CR1L: variants seen among roughly 807,000 people sequenced by gnomAD.
CR1L encodes the protein complement component receptor 1-like protein.
CR1L carries 59 observed loss-of-function variants against 62.3 expected under a neutral mutation model. The ratio of observed to expected loss-of-function variants is 0.95; its 90% CI spans 0.77 to 1.18. The LOEUF (loss-of-function observed/expected upper bound fraction) is 1.18, where lower values mean the gene tolerates loss of function less well. CR1L is among the 50% of genes most tolerant of loss of function. The probability of loss-of-function intolerance (pLI) is 0.00; values close to 1 mark genes in which losing one functional copy is unlikely to be tolerated. For missense variants in CR1L, 700 were observed against 702.8 expected (o/e 1.00, Z 0.04); for synonymous variants, 279 against 248.7 (o/e 1.12, Z -1.15).
intron 10 of CR1L, 83 bp downstream of exon 10, chr1:207,708,346 C>A: frequency 6.6e-7 from 1 of 1,522,036 alleles, no homozygotes; most frequent in South Asian, 1.2e-5. Context: ...TGAATCTCAT[C>A]CCTCTTGGAA....
chr1:207,659,991 T>G (rs7531923), intron 1 of CR1L, among the ~76,000 whole-genome samples: 62,183 of 152,126 alleles, frequency 0.41, 13,009 homozygotes, highest in African/African-American at 0.49. Context: ...GGCGGTTCTA[T>G]GCTCACAGTG....
chr1:207,659,609 T>C (rs772278562), intron 1 of CR1L, among the ~76,000 whole-genome samples: 1 of 152,210 alleles, frequency 6.6e-6, no homozygotes, highest in Admixed American at 6.5e-5. Flanking sequence ...AGGTGATTTC[T>C]GCATTTCCAA....
chr1:207,664,502 T>A (rs747144738), intron 1 of CR1L, among the ~76,000 whole-genome samples: 4 of 152,210 alleles, frequency 2.6e-5, no homozygotes, highest in Admixed American at 6.5e-5. Context: ...GAAGAGATGG[T>A]TTTTTTAGTG....
At chr1:207,715,339 T>C (rs1653969438) in intron 10 of CR1L, 2 of 1,597,576 alleles carry the variant, frequency 1.3e-6, no homozygotes, top group Non-Finnish European at 8.6e-7. Context: ...GGTCTGCTAG[T>C]CATTGTGTCT....
At chr1:207,684,170 C>T (rs910147063) in intron 4 of CR1L, 2 of 390,166 alleles carry the variant, frequency 5.1e-6, no homozygotes, top group African/African-American at 4.1e-5. Flanking sequence ...ATTCTAGGGG[C>T]CTAAATACGT....
chr1:207,655,408 T>C (rs1479980525), intron 1 of CR1L: 7 of 289,546 alleles, frequency 2.4e-5, no homozygotes, highest in Admixed American at 5.0e-5. Flanking sequence ...GTTATATCTG[T>C]TGGTATTTAT....
At chr1:207,672,035 T>C (rs1234159202) in intron 1 of CR1L, among the ~76,000 whole-genome samples, 1 of 151,008 alleles carries the variant, frequency 6.6e-6, no homozygotes, top group African/African-American at 2.5e-5. Flanking sequence ...TTAAACCAAC[T>C]ATATCAACCA....
chr1:207,699,409 T>C (rs770593328), intron 8 of CR1L, 135 bp downstream of exon 8: 2 of 1,081,998 alleles, frequency 1.8e-6, no homozygotes, highest in Non-Finnish European at 2.7e-6. Context: ...ATTTTAGTAA[T>C]GTTTGGTTGT....
intron 1 of CR1L, among the ~76,000 whole-genome samples, chr1:207,660,167 A>G (rs926981511): frequency 2.6e-5 from 4 of 152,384 alleles, no homozygotes; most frequent in South Asian, 2.1e-4. Flanking sequence ...TGAAGAGAGC[A>G]GTGGTTCTCC....
intron 9 of CR1L, among the ~76,000 whole-genome samples, chr1:207,706,314 A>T (rs1040817852): frequency 2.0e-5 from 3 of 151,880 alleles, no homozygotes; most frequent in African/African-American, 7.3e-5. Context: ...ACAGCTACAC[A>T]GGAGACTGAG....
intron 4 of CR1L, among the ~76,000 whole-genome samples, chr1:207,693,393 C>T (rs1664025376): frequency 6.6e-6 from 1 of 152,246 alleles, no homozygotes; most frequent in Non-Finnish European, 1.5e-5. Context: ...GCTAAGATTA[C>T]AGGCATGAGC....
chr1:207,649,479 G>A (rs747237403), intron 1 of CR1L, among the ~76,000 whole-genome samples: 7 of 152,194 alleles, frequency 4.6e-5, no homozygotes, highest in South Asian at 2.1e-4. Context: ...TTAGCACAAC[G>A]TGACTCCAAA....
chr1:207,669,593 GCCCGGGCTGACGAGGCACCCAGGGC>G (rs1254205277), intron 1 of CR1L: 2 of 1,377,708 alleles, frequency 1.5e-6, no homozygotes, highest in Non-Finnish European at 2.0e-6. Context: ...GTGGGGAGGC[GCCCGGGCTGACGAGGCACCCAGGGC>G]CCCGCAGAGA....
rs529286082 is a variant in CR1L at position 207,687,016 on chromosome 1, T to C, written c.463+3059T>C. On this transcript the variant is annotated intron_variant, in intron 4 of 11. Coordinates refer to ENST00000508064, the MANE Select transcript of CR1L (RefSeq NM_175710.2). ...TGTGTATGAGCTAACCAGTTTATAG[T>C]ATTTTGTTATAACAGCCCAAATAGA... 1.7e-3 allele frequency among the ~76,000 whole-genome samples: 261 copies of C among 152,352 alleles called. 1 individual carries two copies. Among genetic ancestry groups the C allele is most frequent in the African/African-American group, 5.8e-3 (243 of 41,582 alleles).
intron 1 of CR1L, among the ~76,000 whole-genome samples, chr1:207,646,574 G>T (rs1007165148): frequency 6.6e-6 from 1 of 151,898 alleles, no homozygotes; most frequent in East Asian, 1.9e-4. Flanking sequence ...AGATGGGCAT[G>T]GTGGTGTATG....
chr1:207,705,498 G>A (rs2102475324), intron 9 of CR1L, among the ~76,000 whole-genome samples: 1 of 152,338 alleles, frequency 6.6e-6, no homozygotes, highest in East Asian at 1.9e-4. Flanking sequence ...AAGCCAGGTA[G>A]TGAGTAGGGG....
chr1:207,717,247 C>T (rs2102483463), intron 10 of CR1L, among the ~76,000 whole-genome samples: 1 of 152,266 alleles, frequency 6.6e-6, no homozygotes, highest in East Asian at 1.9e-4. Context: ...GGTCCAAAAA[C>T]ACTGTCTTTG....
chr1:207,690,183 T>G (rs879393233), intron 4 of CR1L, among the ~76,000 whole-genome samples: 5 of 152,144 alleles, frequency 3.3e-5, no homozygotes, highest in African/African-American at 4.8e-5. Flanking sequence ...TTGATATTGA[T>G]TAGATAATTT....
At chr1:207,660,364 C>T (rs1663390792) in intron 1 of CR1L, among the ~76,000 whole-genome samples, 1 of 152,248 alleles carries the variant, frequency 6.6e-6, no homozygotes, top group Non-Finnish European at 1.5e-5. Flanking sequence ...TCTGCAGCCT[C>T]CGCTGGTGAT....
Sources: allele counts gnomAD v4.1 joint callset (sites outside exome capture counted in the v4.1 genomes callset), GRCh38; gene constraint gnomAD v4.1.1; transcripts MANE v1.5; gene names NCBI Gene and HGNC (gene_info 2026-07-23, HGNC 2026-07-21).